TMEM232: variants seen among roughly 807,000 people sequenced by gnomAD.
TMEM232 encodes transmembrane protein 232.
In TMEM232, 80 loss-of-function variants were observed where a neutral mutation model predicts 78.8. That is an observed-to-expected ratio of 1.01 (90% CI 0.85 to 1.22). The LOEUF (loss-of-function observed/expected upper bound fraction) is 1.22. TMEM232 is among the 50% of genes most tolerant of loss of function. The pLI, the probability that TMEM232 is intolerant of heterozygous loss-of-function variation, is 0.00. For synonymous variants in TMEM232, 297 were observed against 254.3 expected (o/e 1.17, Z -1.60); for missense variants, 881 against 742.2 (o/e 1.19, Z -2.17).
chr5:110,640,243 T>C (rs1320433278), intron 4 of TMEM232, among the ~76,000 whole-genome samples: 1 of 152,186 alleles, frequency 6.6e-6, no homozygotes, highest in East Asian at 1.9e-4. Flanking sequence ...ACTCTTCCTG[T>C]TGCTTGAAAA....
intron 12 of TMEM232, among the ~76,000 whole-genome samples, chr5:110,475,230 G>A (rs1163639026): frequency 6.6e-6 from 1 of 151,848 alleles, no homozygotes; most frequent in Non-Finnish European, 1.5e-5. Context: ...ATCCTGCAGT[G>A]CTATGAGGAA....
At chr5:110,574,601 T>C (rs1777355942) in intron 10 of TMEM232, among the ~76,000 whole-genome samples, 1 of 152,110 alleles carries the variant, frequency 6.6e-6, no homozygotes, top group East Asian at 1.9e-4. Flanking sequence ...GAGACAGCCA[T>C]GCTGCAGGCA....
At chr5:110,391,820 G>A (rs6594452) in intron 3 of TMEM232, among the ~76,000 whole-genome samples, 151,580 of 152,340 alleles carry the variant, frequency 1, 75,415 homozygotes, top group East Asian at 1. Flanking sequence ...TGTAAAAACA[G>A]AAGAATGAAA....
intron 2 of TMEM232, among the ~76,000 whole-genome samples, chr5:110,660,969 CA>C (rs1789698920): frequency 1.3e-5 from 2 of 152,112 alleles, no homozygotes; most frequent in Admixed American, 6.6e-5. Context: ...CCCCATTAAC[CA>C]ACCTCTCTTC....
At chr5:110,421,273 AT>A (rs968683175) in intron 13 of TMEM232, among the ~76,000 whole-genome samples, 16 of 151,778 alleles carry the variant, frequency 1.1e-4, no homozygotes, top group African/African-American at 3.4e-4. Flanking sequence ...GGCCATGATA[AT>A]TTTTTTCTTT....
intron 11 of TMEM232, among the ~76,000 whole-genome samples, chr5:110,559,833 G>A (rs975949512): frequency 6.6e-6 from 1 of 152,142 alleles, no homozygotes; most frequent in Non-Finnish European, 1.5e-5. Flanking sequence ...AGGGCTTTGA[G>A]GAAGAATCAT....
chr5:110,737,143 A>T (rs1430711119), intron 1 of TMEM232, among the ~76,000 whole-genome samples: 3 of 152,176 alleles, frequency 2.0e-5, no homozygotes, highest in Non-Finnish European at 2.9e-5. Context: ...CAGTTCTAAC[A>T]ATGCAAGCAC....
chr5:110,431,807 A>G (rs1378089486), intron 12 of TMEM232, among the ~76,000 whole-genome samples: 2 of 151,704 alleles, frequency 1.3e-5, no homozygotes, highest in Non-Finnish European at 3.0e-5. Flanking sequence ...GTGAATTGGA[A>G]GATAGGGAAA....
At chr5:110,403,111 T>C (rs1755664934) in intron 2 of TMEM232, among the ~76,000 whole-genome samples, 1 of 152,088 alleles carries the variant, frequency 6.6e-6, no homozygotes, top group Non-Finnish European at 1.5e-5. Context: ...TAGGGCCATT[T>C]GCAGTCAGCT....
chr5:110,543,949 T>C (rs1773472879), intron 11 of TMEM232, among the ~76,000 whole-genome samples: 2 of 152,222 alleles, frequency 1.3e-5, no homozygotes. Context: ...GAATGCCATC[T>C]ATGCATAAAT....
At chr5:110,512,842 C>T (rs1767982917) in intron 12 of TMEM232, among the ~76,000 whole-genome samples, 2 of 152,104 alleles carry the variant, frequency 1.3e-5, no homozygotes, top group South Asian at 4.1e-4. Flanking sequence ...CATTTTAATT[C>T]TAACTGATCT....
exon 1 of TMEM232, chr5:110,738,088 A>T (rs959621625): frequency 1.7e-5 from 7 of 418,968 alleles, no homozygotes; most frequent in African/African-American, 4.2e-5. Flanking sequence ...CAAGGTTCGC[A>T]TCTGGAAGAT....
chr5:110,602,748 A>G (rs184344095), intron 10 of TMEM232, among the ~76,000 whole-genome samples: 257 of 152,320 alleles, frequency 1.7e-3, no homozygotes, highest in African/African-American at 5.9e-3. Flanking sequence ...TTCCTCAAGG[A>G]TCTAGAACCA....
upstream of TMEM232, chr5:110,738,118 T>G (rs1799397017): frequency 1.2e-6 from 1 of 803,142 alleles, no homozygotes; most frequent in Non-Finnish European, 1.7e-6. Flanking sequence ...CACGTCAGAG[T>G]TCTCTTGGAA....
chr5:110,719,234 TACAC>T (rs557392435), intron 1 of TMEM232, among the ~76,000 whole-genome samples: 9 of 151,910 alleles, frequency 5.9e-5, no homozygotes, highest in African/African-American at 9.7e-5. Context: ...TGTGTATATA[TACAC>T]ACACAGTCAT....
chr5:110,530,856 A>C (rs1388989832), intron 11 of TMEM232, among the ~76,000 whole-genome samples: 1 of 152,204 alleles, frequency 6.6e-6, no homozygotes, highest in Non-Finnish European at 1.5e-5. Flanking sequence ...GTAGATGTTA[A>C]ATGTTCTCAA....
intron 2 of TMEM232, among the ~76,000 whole-genome samples, chr5:110,665,800 A>G (rs568771960): frequency 6.7e-6 from 1 of 150,352 alleles, no homozygotes; most frequent in South Asian, 2.1e-4. Context: ...CATGCCTGTA[A>G]TTCCAACTTT....
intron 2 of TMEM232, among the ~76,000 whole-genome samples, chr5:110,646,643 A>G (rs1337445835): frequency 6.6e-6 from 1 of 151,844 alleles, no homozygotes; most frequent in Non-Finnish European, 1.5e-5. Context: ...TGGTCTTCGC[A>G]ATAATTTCTC....
At chr5:110,433,063 A>G (rs1758038237) in intron 12 of TMEM232, among the ~76,000 whole-genome samples, 1 of 151,804 alleles carries the variant, frequency 6.6e-6, no homozygotes, top group Non-Finnish European at 1.5e-5. Flanking sequence ...CACTGATATA[A>G]TTAGATAGTT....
Sources: gnomAD v4.1 joint callset for allele counts (sites outside exome capture counted in the v4.1 genomes callset) on GRCh38, gnomAD v4.1.1 for gene constraint, MANE v1.5 for transcripts, NCBI Gene and HGNC (gene_info 2026-07-23, HGNC 2026-07-21) for gene names.